Variants in RREB1 observed in about 807,000 individuals in gnomAD.
The protein encoded by RREB1 is ras-responsive element-binding protein 1.
RREB1 carries 27 observed loss-of-function variants against 117.8 expected under a neutral mutation model. That is an observed-to-expected ratio of 0.23 (90% confidence interval 0.17 to 0.32). The LOEUF (loss-of-function observed/expected upper bound fraction) is 0.32. Ranked by LOEUF, RREB1 falls within the 10% of genes least tolerant of loss-of-function variation. RREB1 has a pLI of 1.00. For missense variants in RREB1, 2,577 were observed against 2,378.2 expected (o/e 1.08, Z -1.74); for synonymous variants, 1,298 against 1,026.7 (o/e 1.26, Z -5.05).
intron 1 of RREB1, among the ~76,000 whole-genome samples, chr6:7,108,462 G>A (rs1760944563): frequency 6.6e-6 from 1 of 152,040 alleles, no homozygotes; most frequent in African/African-American, 2.4e-5. Flanking sequence ...TCCGAGCGCA[G>A]GAATCCGGCC....
chr6:7,168,356 T>C (rs530595264), intron 1 of RREB1, among the ~76,000 whole-genome samples: 1 of 152,248 alleles, frequency 6.6e-6, no homozygotes. Flanking sequence ...TAAGGTATTA[T>C]GCAGAGAGGA....
intron 6 of RREB1, among the ~76,000 whole-genome samples, chr6:7,209,224 C>T (rs141534879): frequency 6.6e-6 from 1 of 152,098 alleles, no homozygotes; most frequent in Admixed American, 6.5e-5. Flanking sequence ...TTTTAATATT[C>T]TCATATCAAC....
chr6:7,180,461 T>C (rs1366283848), intron 2 of RREB1, among the ~76,000 whole-genome samples: 1 of 152,230 alleles, frequency 6.6e-6, no homozygotes, highest in Non-Finnish European at 1.5e-5. Flanking sequence ...TTAGCACACA[T>C]TGTGGGATAA....
At position 7,230,594 on chromosome 6, in the gene RREB1, G is replaced by A; in HGVS notation, c.2495G>A (p.Gly832Asp). 6.2e-7 allele frequency: 1 copy of A among 1,603,932 alleles called. No homozygotes were observed. Among genetic ancestry groups the A allele is most frequent in the Non-Finnish European group, 8.5e-7 (1 of 1,175,812 alleles). The change falls in exon 10 of 13, where the codon GGC becomes GAC. Residue 832 changes from glycine (G) to aspartate (D), a missense_variant. Coordinates refer to ENST00000379938, the MANE Select transcript of RREB1 (RefSeq NM_001003699.4). ...TACGTGCTGGCCGCCGACGGCCTGG[G>A]CCCCGCAGAGGCGCCGGCCGCTGAG... ...ESYVLAADGL[G>D]PAEAPAAEAS...
rs201239505 is a variant in RREB1 at position 7,231,924 on chromosome 6, G to C, written c.3808+17G>C. 48 of 1,564,008 alleles carry C rather than the reference G, an allele frequency of 3.1e-5. No individual in the cohort carries two copies. The highest frequency in any genetic ancestry group is 4.1e-5 in the Non-Finnish European group (47 of 1,150,566). ...CACACACTGGTAAGAGGGCCACCGG[G>C]CTCCCAGGCAGTGAGTCCTACTTCC... On this transcript the variant is annotated intron_variant, in intron 10 of 12. Transcript: ENST00000379938.
At chr6:7,227,464 CCGGGAGG>C (rs930481007) in intron 9 of RREB1, among the ~76,000 whole-genome samples, 1 of 151,918 alleles carries the variant, frequency 6.6e-6, no homozygotes, top group Non-Finnish European at 1.5e-5. Context: ...TCGCTTGAAC[CCGGGAGG>C]CTGAGGTTGC....
Position 7,246,948 on chromosome 6 carries a change from C to A in RREB1, c.4498C>A (p.Pro1500Thr). 1 of 1,557,780 alleles carries A rather than the reference C, an allele frequency of 6.4e-7. No individual in the cohort carries two copies. The highest frequency in any genetic ancestry group is 2.4e-5 in the East Asian group (1 of 41,446). Reference protein sequence around the residue: ...PQPAPEQEEKPPETPAEVVES... With the variant: ...PQPAPEQEEKTPETPAEVVES... ...GCCCGCCCCTGAACAGGAGGAGAAG[C>A]CCCCCGAGACCCCGGCAGAGGTGGT... The change falls in exon 12 of 13, where the codon CCC becomes ACC. Residue 1500 changes from proline to threonine, a missense_variant. By Grantham distance (38) the Pro-to-Thr change is conservative. Coordinates refer to ENST00000379938, the MANE Select transcript of RREB1 (RefSeq NM_001003699.4).
chr6:7,156,165 G>A (rs949164140), intron 1 of RREB1, among the ~76,000 whole-genome samples: 1 of 152,242 alleles, frequency 6.6e-6, no homozygotes, highest in East Asian at 1.9e-4. Context: ...GCAGTTGCTT[G>A]TCTTGGAGTT....
chr6:7,123,777 AT>A (rs1223070115), intron 1 of RREB1, among the ~76,000 whole-genome samples: 1 of 151,622 alleles, frequency 6.6e-6, no homozygotes, highest in Non-Finnish European at 1.5e-5. Context: ...CGCCTGGCTA[AT>A]TTTTTTGTAT....
chr6:7,196,551 A>G (rs1765689870), intron 6 of RREB1, among the ~76,000 whole-genome samples: 1 of 152,178 alleles, frequency 6.6e-6, no homozygotes, highest in African/African-American at 2.4e-5. Flanking sequence ...GTTGCTTTGT[A>G]GCACTGATAA....
At chr6:7,192,856 G>A (rs1270680890) in intron 6 of RREB1, among the ~76,000 whole-genome samples, 4 of 151,970 alleles carry the variant, frequency 2.6e-5, no homozygotes, top group Admixed American at 1.3e-4. Flanking sequence ...ACCTTTTTCC[G>A]GTGTTATAGC....
Position 7,226,442 on chromosome 6 carries a change from A to G in RREB1, c.708-25A>G, listed in dbSNP as rs368500259. 4.4e-6 allele frequency: 7 copies of G among 1,582,656 alleles called. No homozygotes were observed. The African/African-American group carries it at 8.1e-5, about 18-fold the overall frequency. ...CTCATATGCTCTCCCTTTCTGCCTC[A>G]TATGTTCTCCCTTTCCTCTCCTAGA... On this transcript the variant is annotated intron_variant, in intron 8 of 12. Transcript: ENST00000379938.
intron 10 of RREB1, among the ~76,000 whole-genome samples, chr6:7,235,999 T>C (rs1221475308): frequency 6.6e-6 from 1 of 152,132 alleles, no homozygotes; most frequent in Non-Finnish European, 1.5e-5. Flanking sequence ...CTTTCCTCCT[T>C]CCTTCCACTC....
At chr6:7,244,669 C>T (rs1204950994) in intron 11 of RREB1, among the ~76,000 whole-genome samples, 2 of 152,148 alleles carry the variant, frequency 1.3e-5, no homozygotes, top group Admixed American at 6.5e-5. Flanking sequence ...CTTTCTGAAA[C>T]CTCTTGAGAT....
At chr6:7,113,948 AT>A (rs1037571827) in intron 1 of RREB1, among the ~76,000 whole-genome samples, 1 of 152,182 alleles carries the variant, frequency 6.6e-6, no homozygotes, top group Non-Finnish European at 1.5e-5. Context: ...AAAGTGGTAT[AT>A]TTTGAGCTCA....
At chr6:7,144,810 A>G (rs915863497) in intron 1 of RREB1, among the ~76,000 whole-genome samples, 3 of 152,174 alleles carry the variant, frequency 2.0e-5, no homozygotes, top group South Asian at 2.1e-4. Flanking sequence ...AACCAACTCT[A>G]TGTGCCTTGG....
intron 1 of RREB1, among the ~76,000 whole-genome samples, chr6:7,157,766 GAAAA>G (rs77014873): frequency 6.9e-6 from 1 of 145,684 alleles, no homozygotes. Flanking sequence ...GTCTCTTTGG[GAAAA>G]AAAAAAAATC....
chr6:7,232,429 G>A (rs1433067199), intron 10 of RREB1, among the ~76,000 whole-genome samples: 1 of 152,166 alleles, frequency 6.6e-6, no homozygotes, highest in Admixed American at 6.5e-5. Context: ...TGTGAGGTTG[G>A]CTGTTTTCTT....
intron 6 of RREB1, among the ~76,000 whole-genome samples, chr6:7,190,534 A>G (rs988595693): frequency 6.6e-6 from 1 of 152,220 alleles, no homozygotes. Context: ...TGAAAAGTGA[A>G]TATTTTAAGA....
Sources: allele counts gnomAD v4.1 joint callset (sites outside exome capture counted in the v4.1 genomes callset), GRCh38; gene constraint gnomAD v4.1.1; transcripts MANE v1.5; gene names NCBI Gene and HGNC (gene_info 2026-07-23, HGNC 2026-07-21).